Variants in XIST observed in about 807,000 individuals in gnomAD.
XIST encodes the protein X inactive specific transcript (non-protein coding).
At chrX:73,843,197 T>A (rs1305739810) in exon 1 of XIST, 2 of 556,390 alleles carry the variant, frequency 3.6e-6, no homozygotes, top group African/African-American at 4.5e-5. Flanking sequence ...GCCCCTGCAG[T>A]AATGCAAAGG....
At chrX:73,847,882 CAT>C (rs1569512686) in exon 1 of XIST, 6 of 557,095 alleles carry the variant, frequency 1.1e-5, no homozygotes, top group Admixed American at 6.7e-5. Flanking sequence ...GGAAAGGTAA[CAT>C]AGGTAATTAA....
chrX:73,841,129 C>T (rs1922578006), intron 1 of XIST, among the ~76,000 whole-genome samples: 1 of 111,446 alleles, frequency 9.0e-6, no homozygotes, highest in African/African-American at 3.3e-5. Flanking sequence ...TCATTCCTAC[C>T]CAGGTTATCA....
chrX:73,841,531 C>G, exon 1 of XIST: 2 of 556,467 alleles, frequency 3.6e-6, no homozygotes, highest in East Asian at 6.5e-5. Flanking sequence ...GTTGTGATGA[C>G]TAGTTATTTG....
At chrX:73,821,224 C>T (rs1922108107) in exon 6 of XIST, 1 of 557,770 alleles carries the variant, frequency 1.8e-6, no homozygotes, top group East Asian at 3.3e-5. Flanking sequence ...CCCAGATTAT[C>T]TTCAACCTTG....
At chrX:73,846,921 A>C in exon 1 of XIST, 1 of 559,480 alleles carries the variant, frequency 1.8e-6, no homozygotes. Context: ...TTGAAGGACC[A>C]TTGACAACTG....
At chrX:73,848,372 T>C (rs367563661) in exon 1 of XIST, 2 of 554,034 alleles carry the variant, frequency 3.6e-6, no homozygotes, top group Admixed American at 2.2e-5. Context: ...GACCTTGATA[T>C]AAAAGACTCA....
At chrX:73,851,475 C>T (rs1922940347) in exon 1 of XIST, 2 of 559,053 alleles carry the variant, frequency 3.6e-6, no homozygotes, top group East Asian at 6.5e-5. Context: ...TTGAACACTG[C>T]GACAGAACTG....
exon 1 of XIST, chrX:73,845,754 T>C (rs1334957187): frequency 4.2e-6 from 2 of 479,577 alleles, no homozygotes; most frequent in East Asian, 8.0e-5. Flanking sequence ...ACCTTGATTG[T>C]CCAAATGTAA....
At chrX:73,842,198 T>A in exon 1 of XIST, 1 of 513,036 alleles carries the variant, frequency 1.9e-6, no homozygotes, top group East Asian at 3.6e-5. Flanking sequence ...TAATAAGCAA[T>A]TTTTCTGGCT....
At chrX:73,845,793 G>A in exon 1 of XIST, 2 of 543,172 alleles carry the variant, frequency 3.7e-6, no homozygotes, top group Non-Finnish European at 6.6e-6. Flanking sequence ...ACTCCCTGCT[G>A]GAAGGGAAAG....
chrX:73,822,050 A>C (rs1299340385), exon 6 of XIST: 1 of 558,221 alleles, frequency 1.8e-6, no homozygotes. Flanking sequence ...GTAAAAAGTA[A>C]AGAACTGAAA....
exon 1 of XIST, chrX:73,850,041 T>C (rs760372121): frequency 3.6e-6 from 2 of 558,885 alleles, no homozygotes; most frequent in Middle Eastern, 3.1e-4. Context: ...AATTCAAGTT[T>C]CCTGTCTGAT....
chrX:73,842,114 C>CA lies in XIST; in HGVS notation n.10609dup, dbSNP rs760296571. On this transcript the variant is annotated non_coding_transcript_exon_variant, in exon 1 of 6. Coordinates refer to ENST00000429829, the Ensembl canonical transcript of XIST. ...ATAGTATAAATGGATATTTTGGCTT[C>CA]AAAAAAATAATGACCAGGTTATCGA... 2.3e-5 allele frequency: 12 copies of CA among 530,217 alleles called. No homozygotes were observed. In the African/African-American group the frequency reaches 2.7e-4, roughly 12 times the overall value. 43.7% of individuals were successfully genotyped at this position (530,217 alleles called of 1,213,427 possible).
At chrX:73,821,224 CT>C (rs200949173) in exon 6 of XIST, 9,942 of 556,222 alleles carry the variant, frequency 0.018, 135 homozygotes, top group Admixed American at 0.058. Context: ...CCCAGATTAT[CT>C]TCAACCTTGC....
chrX:73,841,071 C>T (rs1197264633), intron 1 of XIST, among the ~76,000 whole-genome samples: 1 of 111,686 alleles, frequency 9.0e-6, no homozygotes, highest in African/African-American at 3.3e-5. Context: ...CTCACATTAG[C>T]TCCTCAACGA....
At chrX:73,825,294 T>C (rs774921016) in exon 6 of XIST, 8 of 557,797 alleles carry the variant, frequency 1.4e-5, no homozygotes, top group South Asian at 1.1e-4. Context: ...ATACATATAA[T>C]TTATTCATTT....
exon 1 of XIST, chrX:73,845,904 G>A (rs768172458): frequency 3.6e-6 from 2 of 557,851 alleles, no homozygotes; most frequent in Non-Finnish European, 6.5e-6. Context: ...CAAGAAAAGG[G>A]GCCTTGGTGA....
chrX:73,826,129 G>A, exon 6 of XIST: 2 of 559,048 alleles, frequency 3.6e-6, no homozygotes, highest in Non-Finnish European at 6.5e-6. Flanking sequence ...GCTCAAAGAA[G>A]GAAGCTGTTG....
At chrX:73,826,941 C>T (rs770950922) in exon 6 of XIST, 6 of 556,815 alleles carry the variant, frequency 1.1e-5, no homozygotes, top group Non-Finnish European at 1.6e-5. Flanking sequence ...CCATCCAACT[C>T]AGGCCTTCGG....
Sources: gnomAD v4.1 joint callset for allele counts (sites outside exome capture counted in the v4.1 genomes callset) on GRCh38, gnomAD v4.1.1 for gene constraint, MANE v1.5 for transcripts, NCBI Gene and HGNC (gene_info 2026-07-23, HGNC 2026-07-21) for gene names.